Variants in DCAF6 observed in about 807,000 individuals in gnomAD.
DCAF6 encodes the protein DDB1- and CUL4-associated factor 6.
Under a neutral mutation model 125.1 loss-of-function variants are expected in DCAF6, and 54 were observed. The ratio of observed to expected loss-of-function variants is 0.43; its 90% CI spans 0.35 to 0.54. The LOEUF is 0.54. Ranked by LOEUF, DCAF6 falls within the 20% of genes least tolerant of loss-of-function variation. The pLI, the probability that DCAF6 is intolerant of heterozygous loss-of-function variation, is 0.01. For synonymous variants in DCAF6, 371 were observed against 390.4 expected (o/e 0.95, Z 0.58); for missense variants, 934 against 1,161.7 (o/e 0.80, Z 2.85).
Position 167,936,859 on chromosome 1 carries a change from T to C in DCAF6, c.-53T>C. ...TGTTGAAACGGGTGTCCCCTCCCCCTCCTCCCCTCCCCCACGCGGTGGTCT... is the reference window on the plus strand; with the variant it reads ...TGTTGAAACGGGTGTCCCCTCCCCCCCCTCCCCTCCCCCACGCGGTGGTCT... On this transcript the variant is annotated 5_prime_UTR_variant, in exon 1 of 22. Coordinates refer to ENST00000367840, the MANE Select transcript of DCAF6 (RefSeq NM_001198956.2). 3.4e-5 allele frequency: 26 copies of C among 771,016 alleles called. No individual in the cohort carries two copies. The highest frequency in any genetic ancestry group is 6.6e-5 in the Admixed American group (3 of 45,276). The allele number at this position is 771,016 out of a possible 1,614,324, so 47.8% of individuals were successfully genotyped here. A position where few individuals can be genotyped will look rare whatever the true frequency, so the allele number is the denominator to read the frequency against.
At chr1:168,063,194 A>G (rs773907759) in intron 17 of DCAF6, among the ~76,000 whole-genome samples, 1 of 151,996 alleles carries the variant, frequency 6.6e-6, no homozygotes, top group Non-Finnish European at 1.5e-5. Flanking sequence ...AAGTCTATCC[A>G]CTGCTATTAT....
At chr1:168,063,970 G>T (rs1238312654) in intron 18 of DCAF6, 2 of 384,004 alleles carry the variant, frequency 5.2e-6, no homozygotes, top group African/African-American at 2.2e-5. Context: ...CTAAAAAAAT[G>T]CAGATTAAAA....
intron 7 of DCAF6, among the ~76,000 whole-genome samples, chr1:167,994,904 C>A (rs931867103): frequency 6.6e-6 from 1 of 151,966 alleles, no homozygotes; most frequent in African/African-American, 2.4e-5. Flanking sequence ...GGAATTCCTA[C>A]GAGATACAAA....
the DCAF6 span, chr1:167,918,474 A>T: frequency 1.7e-6 from 1 of 605,538 alleles, no homozygotes; most frequent in Non-Finnish European, 2.8e-6. Context: ...GTAGCTATAC[A>T]GTTGTAAACA....
the DCAF6 span, among the ~76,000 whole-genome samples, chr1:167,885,585 C>A: frequency 5.3e-3 from 802 of 152,100 alleles, 8 homozygotes; most frequent in African/African-American, 0.018. Flanking sequence ...TACTTGTTTG[C>A]CATTTGTATG....
intron 16 of DCAF6, among the ~76,000 whole-genome samples, chr1:168,046,557 C>G (rs1203139427): frequency 6.6e-6 from 1 of 152,086 alleles, no homozygotes; most frequent in Non-Finnish European, 1.5e-5. Flanking sequence ...CATGTTTATA[C>G]TTAGAGATTA....
At chr1:168,041,120 A>G (rs1688475336) in intron 13 of DCAF6, among the ~76,000 whole-genome samples, 1 of 151,982 alleles carries the variant, frequency 6.6e-6, no homozygotes, top group Non-Finnish European at 1.5e-5. Flanking sequence ...TAGGTTTAGT[A>G]TGAAGATTTA....
intron 4 of DCAF6, among the ~76,000 whole-genome samples, chr1:167,976,347 T>C (rs960967370): frequency 6.6e-5 from 10 of 152,102 alleles, no homozygotes; most frequent in Non-Finnish European, 1.5e-4. Flanking sequence ...TGCACGCCTG[T>C]AATACCAGCT....
At chr1:167,893,538 C>T in the DCAF6 span, among the ~76,000 whole-genome samples, 3 of 151,998 alleles carry the variant, frequency 2.0e-5, no homozygotes, top group Non-Finnish European at 2.9e-5. Context: ...CATGGTGAAG[C>T]TCCATCTCTA....
intron 4 of DCAF6, among the ~76,000 whole-genome samples, chr1:167,978,680 C>T (rs767834168): frequency 6.6e-5 from 10 of 151,750 alleles, no homozygotes; most frequent in Non-Finnish European, 1.2e-4. Context: ...GGGGAGGGTG[C>T]GGTTTGTGTG....
chr1:167,947,304 C>T (rs1673223421), intron 1 of DCAF6, among the ~76,000 whole-genome samples: 1 of 147,384 alleles, frequency 6.8e-6, no homozygotes, highest in Non-Finnish European at 1.5e-5. Flanking sequence ...TTTTTTATCT[C>T]TTTGAGGAAC....
rs949252093 is a variant in DCAF6, at chr1:167,936,847, GTCCCCTCCCCCTCC to G, written c.-53_-40del. 11 of 1,363,658 alleles carry G rather than the reference GTCCCCTCCCCCTCC, an allele frequency of 8.1e-6. No homozygotes were observed. The highest frequency in any genetic ancestry group is 2.5e-4 in the Middle Eastern group (1 of 4,006). 84.5% of individuals were successfully genotyped at this position (1,363,658 alleles called of 1,614,324 possible). ...GTGCGGCTCGGGTGTTGAAACGGGT[GTCCCCTCCCCCTCC>G]TCCCCTCCCCCACGCGGTGGTCTCC... On this transcript the variant is annotated 5_prime_UTR_variant, in exon 1 of 22. Coordinates refer to ENST00000367840, the MANE Select transcript of DCAF6 (RefSeq NM_001198956.2).
In DCAF6 at chr1:168,044,740, CTA is replaced by C. The variant is rs1688952501; in HGVS notation, c.1930+72_1930+73del. On this transcript the variant is annotated intron_variant, in intron 15 of 21. Transcript: ENST00000367840. ...AAAGCCTTAATCTATGTTAATCTCTCTATAGTTAGAGGCCATGTTCAAGTGTA... is the reference window on the plus strand; with the variant it reads ...AAAGCCTTAATCTATGTTAATCTCTCTAGTTAGAGGCCATGTTCAAGTGTA... 4 of 1,450,010 alleles carry C rather than the reference CTA, an allele frequency of 2.8e-6. No individual in the cohort carries two copies. The South Asian group carries it at 4.7e-5, about 17-fold the overall frequency. The allele number at this position is 1,450,010 out of a possible 1,614,324, so 89.8% of individuals were successfully genotyped here.
rs1444501712 is a variant in DCAF6 at position 167,975,007 on chromosome 1, A to G, written c.430A>G (p.Thr144Ala). ...QCQFTCHYGTTYEIMTVPNDP... is the reference protein window; with the variant it reads ...QCQFTCHYGTAYEIMTVPNDP... ...CCAATTTACGTGTCATTATGGAACT[A>G]CTTATGAGGTATGGTATTATTATGA... Residue 144 changes from threonine (T) to alanine (A), a missense_variant, in exon 4 of 22, where the codon ACT becomes GCT. Coordinates refer to ENST00000367840, the MANE Select transcript of DCAF6 (RefSeq NM_001198956.2). 1.3e-6 allele frequency: 2 copies of G among 1,589,150 alleles called. No homozygotes were observed. Among genetic ancestry groups the G allele is most frequent in the Admixed American group, 1.8e-5 (1 of 55,940 alleles).
At chr1:167,884,694 A>ATTTTTTTT in the DCAF6 span, among the ~76,000 whole-genome samples, 1 of 108,628 alleles carries the variant, frequency 9.2e-6, no homozygotes, top group African/African-American at 3.7e-5. Flanking sequence ...AATCATTTTA[A>ATTTTTTTT]TTTTTTTTTT....
At chr1:168,065,494 TAAG>T (rs1692209334) in intron 18 of DCAF6, 93 bp from the exon 19 acceptor site, 3 of 983,552 alleles carry the variant, frequency 3.1e-6, no homozygotes. Flanking sequence ...TTAAAAAATG[TAAG>T]AATTAAAACA....
intron 7 of DCAF6, among the ~76,000 whole-genome samples, chr1:168,000,632 A>G (rs1018573461): frequency 6.6e-6 from 1 of 152,180 alleles, no homozygotes; most frequent in Non-Finnish European, 1.5e-5. Context: ...GAATGGATGA[A>G]CAGAATAGGG....
At chr1:167,917,782 C>T in the DCAF6 span, 1,578 of 152,176 alleles carry the variant, frequency 0.01, 13 homozygotes, top group Non-Finnish European at 0.016. Context: ...TTACAATGAT[C>T]CTATTTAAAA....
chr1:168,022,395 C>T (rs1261010152), intron 11 of DCAF6, among the ~76,000 whole-genome samples: 1 of 152,164 alleles, frequency 6.6e-6, no homozygotes, highest in Non-Finnish European at 1.5e-5. Flanking sequence ...AAACTTGAGC[C>T]TTTACATAGT....
Sources: gnomAD v4.1 joint callset for allele counts (sites outside exome capture counted in the v4.1 genomes callset) on GRCh38, gnomAD v4.1.1 for gene constraint, MANE v1.5 for transcripts, NCBI Gene and HGNC (gene_info 2026-07-23, HGNC 2026-07-21) for gene names.